MEGF6: variants seen among roughly 807,000 people sequenced by gnomAD.
The protein encoded by MEGF6 is multiple epidermal growth factor-like domains protein 6.
A neutral mutation model predicts 207.1 loss-of-function variants in MEGF6; 184 were observed. The observed-to-expected ratio is 0.89, with a 90% CI of 0.79 to 1.00. The LOEUF (loss-of-function observed/expected upper bound fraction) is 1.00, where lower values mean the gene tolerates loss of function less well. Ranked by LOEUF, MEGF6 falls within the 50% of genes least tolerant of loss-of-function variation. MEGF6 has a pLI of 0.00. For synonymous variants in MEGF6, 1,038 were observed against 910.0 expected (o/e 1.14, Z -2.53); for missense variants, 2,282 against 2,202.9 (o/e 1.04, Z -0.72).
At position 3,611,126 on chromosome 1, in the gene MEGF6, C is replaced by A; in HGVS notation, c.131+12G>T. ...GACGACCGGCCGAGCCCTCCCAGCT[C>A]CTGCTACTCACATGCCGGGCTGCAG... On this transcript the variant is annotated intron_variant, in intron 1 of 36. Transcript: ENST00000356575. 1 of 1,500,696 alleles carries A rather than the reference C, an allele frequency of 6.7e-7. No homozygotes were observed. Among genetic ancestry groups the A allele is most frequent in the Non-Finnish European group, 8.8e-7 (1 of 1,133,884 alleles). The allele number at this position is 1,500,696 out of a possible 1,614,324, so 93.0% of individuals were successfully genotyped here.
At chr1:3,572,057 T>C (rs1313523879) in intron 4 of MEGF6, among the ~76,000 whole-genome samples, 2 of 137,408 alleles carry the variant, frequency 1.5e-5, no homozygotes, top group Non-Finnish European at 3.1e-5. Context: ...GGGTCTTTCC[T>C]GGGTGTGCTG....
rs1376778116 is a variant in MEGF6, at chr1:3,488,152, T to C, written c.*2376A>G. ...CTGCTTGAAACTATATAATATATGG[T>C]CAGGAGTTTGTTTTTCCGTCGTCAT... On this transcript the variant is annotated 3_prime_UTR_variant, in exon 37 of 37. Transcript: ENST00000356575. 6.6e-6 allele frequency among the ~76,000 whole-genome samples: 1 copy of C among 152,174 alleles called. No individual in the cohort carries two copies. The highest frequency in any genetic ancestry group is 1.5e-5 in the Non-Finnish European group (1 of 68,028).
In MEGF6 at chr1:3,547,527, C is replaced by T. The variant is rs1034717588; in HGVS notation, c.482-23281G>A. Among the ~76,000 whole-genome samples the T allele has an allele frequency of 3.3e-5, 5 of 152,146 alleles. No individual in the cohort carries two copies. In the South Asian group the frequency reaches 6.2e-4, roughly 19 times the overall value. On this transcript the variant is annotated intron_variant, in intron 4 of 36. Transcript: ENST00000356575. ...CAGCTGTGGGTTTTCAGGAAAAACC[C>T]GGCTTCCCTTGGCTCTGAGGCCAGG...
chr1:3,582,683 T>C (rs1321973830), intron 3 of MEGF6, among the ~76,000 whole-genome samples: 1 of 152,128 alleles, frequency 6.6e-6, no homozygotes, highest in Non-Finnish European at 1.5e-5. Context: ...TAGACCCCCA[T>C]CCAGCTCCTG....
At chr1:3,501,661 G>A in intron 18 of MEGF6, 135 bp downstream of exon 18, 1 of 1,275,400 alleles carries the variant, frequency 7.8e-7, no homozygotes, top group African/African-American at 1.5e-5. Flanking sequence ...CCCCAGGGGA[G>A]TGCACTGTGA....
At chr1:3,590,458 C>T (rs779735573) in intron 3 of MEGF6, among the ~76,000 whole-genome samples, 4 of 152,220 alleles carry the variant, frequency 2.6e-5, no homozygotes, top group Admixed American at 1.3e-4. Context: ...CTCCGCAAGG[C>T]GTTGTGGGCT....
chr1:3,494,332 A>G (rs988969600), intron 32 of MEGF6, 39 bp downstream of exon 32: 165 of 1,524,066 alleles, frequency 1.1e-4, no homozygotes, highest in Non-Finnish European at 1.3e-4. Flanking sequence ...ACAGTGGCTC[A>G]AAGGGGCCCC....
chr1:3,563,927 T>C (rs1050268414), intron 4 of MEGF6, among the ~76,000 whole-genome samples: 5 of 152,110 alleles, frequency 3.3e-5, no homozygotes, highest in African/African-American at 1.2e-4. Context: ...AGCAAAACCC[T>C]GCGACCTGAG....
At chr1:3,506,374 C>G in intron 14 of MEGF6, 138 bp from the exon 15 acceptor site, 2 of 1,114,958 alleles carry the variant, frequency 1.8e-6, no homozygotes, top group Non-Finnish European at 2.5e-6. Context: ...ACTAGGTGAG[C>G]CTTCCGGATG....
rs771937206 is a variant in MEGF6 at position 3,499,855 on chromosome 1, T to G, written c.2777A>C (p.Asp926Ala). The G allele has an allele frequency of 6.4e-7, 1 of 1,555,390 alleles. No individual in the cohort carries two copies. The stretch of plus-strand genomic sequence containing the variant: ...GCAGGTGCAGGCCCCGCTGACGTGG[T>G]CACAGGCTGCTCCATGCTGACACTG... ...RCQCQHGAAC[D>A]HVSGACTCPA... Residue 926 changes from aspartate (D) to alanine (A), a missense_variant, in exon 22 of 37, where the codon GAC becomes GCC. Asp to Ala is a moderately radical substitution (Grantham distance 126, BLOSUM62 -2). Transcript: ENST00000356575.
chr1:3,551,632 T>C (rs966132300), intron 4 of MEGF6, among the ~76,000 whole-genome samples: 3 of 152,218 alleles, frequency 2.0e-5, no homozygotes, highest in Admixed American at 2.0e-4. Flanking sequence ...CTCTGACTTA[T>C]ATTGCCACAG....
intron 19 of MEGF6, 21 bp from the exon 20 acceptor site, chr1:3,501,115 G>A (rs540298149): frequency 6.2e-6 from 10 of 1,612,672 alleles, no homozygotes; most frequent in African/African-American, 1.3e-5. Context: ...GCGAGAGAGG[G>A]TGAGTGGGGC....
At chr1:3,562,381 T>G (rs547515848) in intron 4 of MEGF6, among the ~76,000 whole-genome samples, 248 of 152,308 alleles carry the variant, frequency 1.6e-3, no homozygotes, top group Non-Finnish European at 2.7e-3. Context: ...TGTGTCTCCC[T>G]CTCTGTCTTT....
At chr1:3,538,560 C>T (rs1045135915) in intron 4 of MEGF6, among the ~76,000 whole-genome samples, 5 of 152,194 alleles carry the variant, frequency 3.3e-5, no homozygotes, top group Non-Finnish European at 5.9e-5. Context: ...TACACACCAG[C>T]CCCCAGGTGA....
chr1:3,541,283 C>T (rs550239926), intron 4 of MEGF6, among the ~76,000 whole-genome samples: 26 of 152,314 alleles, frequency 1.7e-4, no homozygotes, highest in South Asian at 1.2e-3. Context: ...ACAGGGCTTG[C>T]GGAGGCTTTC....
At chr1:3,501,596 G>A (rs1181343282) in intron 18 of MEGF6, among the ~76,000 whole-genome samples, 200 bp downstream of exon 18, 3 of 152,084 alleles carry the variant, frequency 2.0e-5, no homozygotes, top group Non-Finnish European at 4.4e-5. Context: ...AGCCCGAGAG[G>A]GCAGCCTGGA....
rs1054397462 is a variant in MEGF6, at chr1:3,488,266, A to G, written c.*2262T>C. Among the ~76,000 whole-genome samples, 4 of 152,172 alleles carry G rather than the reference A, an allele frequency of 2.6e-5. No individual in the cohort carries two copies. The highest frequency in any genetic ancestry group is 9.7e-5 in the African/African-American group (4 of 41,440). ...GCTCCTGACCGCCGTTGGATAGCTG[A>G]GATTTCCTCCGGATGGGCAGAAGCT... On this transcript the variant is annotated 3_prime_UTR_variant, in exon 37 of 37. Transcript: ENST00000356575.
intron 4 of MEGF6, among the ~76,000 whole-genome samples, chr1:3,541,235 G>A (rs531655864): frequency 6.5e-4 from 99 of 152,338 alleles, no homozygotes; most frequent in Middle Eastern, 3.4e-3. Flanking sequence ...GTCACAGAGC[G>A]GGGCTGCCGC....
At chr1:3,559,933 C>A (rs930565958) in intron 4 of MEGF6, among the ~76,000 whole-genome samples, 3 of 151,528 alleles carry the variant, frequency 2.0e-5, no homozygotes, top group Non-Finnish European at 4.4e-5. Flanking sequence ...ATGGCATGAA[C>A]CCGGGAGGCG....
Sources: allele counts gnomAD v4.1 joint callset (sites outside exome capture counted in the v4.1 genomes callset), GRCh38; gene constraint gnomAD v4.1.1; transcripts MANE v1.5; gene names NCBI Gene and HGNC (gene_info 2026-07-23, HGNC 2026-07-21).